The following ODAD2 variants were observed in gnomAD, a reference collection of about 807,000 sequenced individuals.
The protein encoded by ODAD2 is outer dynein arm-docking complex subunit 2.
ODAD2 carries 89 observed loss-of-function variants against 106.8 expected under a neutral mutation model. The ratio of observed to expected loss-of-function variants is 0.83; its 90% CI spans 0.70 to 0.99. ODAD2 has a LOEUF of 0.99. ODAD2 is among the 50% of genes least tolerant of loss of function. ODAD2 has a pLI of 0.00. For missense variants in ODAD2, 1,168 were observed against 1,238.5 expected (o/e 0.94, Z 0.85); for synonymous variants, 404 against 436.2 (o/e 0.93, Z 0.92).
chr10:27,902,281 A>C (rs1843265627), intron 17 of ODAD2, among the ~76,000 whole-genome samples: 1 of 152,252 alleles, frequency 6.6e-6, no homozygotes, highest in East Asian at 1.9e-4. Flanking sequence ...ACAGCGTACC[A>C]GAATCTATGG....
chr10:27,876,532 G>A lies in ODAD2; in HGVS notation c.2611-13910C>T, dbSNP rs1438531886. ...ATGAATCTGTTATTTTCTTTACTGG[G>A]ATTCCCTTTCAAACTCCCACAAACT... is the stretch of plus-strand genomic sequence containing the variant. On this transcript the variant is annotated intron_variant, in intron 17 of 19. Coordinates refer to ENST00000305242, the MANE Select transcript of ODAD2 (RefSeq NM_018076.5). 2.6e-5 allele frequency among the ~76,000 whole-genome samples: 4 copies of A among 152,276 alleles called. No individual in the cohort carries two copies. The South Asian group carries it at 8.3e-4, about 32-fold the overall frequency.
intron 2 of ODAD2, among the ~76,000 whole-genome samples, chr10:27,991,684 G>A (rs960249178): frequency 3.9e-5 from 6 of 152,114 alleles, no homozygotes; most frequent in Non-Finnish European, 8.8e-5. Flanking sequence ...TGGAACAAGA[G>A]GCCTGAGAGG....
At chr10:27,894,648 C>T (rs1189936034) in intron 17 of ODAD2, among the ~76,000 whole-genome samples, 1 of 151,940 alleles carries the variant, frequency 6.6e-6, no homozygotes, top group East Asian at 1.9e-4. Context: ...GCAATCACGC[C>T]TCACTGAAGC....
At chr10:27,890,380 T>C (rs529795005) in intron 17 of ODAD2, among the ~76,000 whole-genome samples, 2 of 152,336 alleles carry the variant, frequency 1.3e-5, no homozygotes, top group East Asian at 3.9e-4. Flanking sequence ...GATGAAGTTA[T>C]TAATTTAATA....
intron 17 of ODAD2, among the ~76,000 whole-genome samples, chr10:27,882,221 GAAAGAAAGAAAGAAAT>G (rs1449895511): frequency 8.5e-4 from 128 of 150,964 alleles, no homozygotes; most frequent in Non-Finnish European, 1.5e-3. Flanking sequence ...AAGAAAGAAA[GAAAGAAAGAAAGAAAT>G]ATGAACTCTC....
intron 16 of ODAD2, among the ~76,000 whole-genome samples, chr10:27,923,541 C>A (rs748149773): frequency 6.6e-6 from 1 of 152,014 alleles, no homozygotes; most frequent in Non-Finnish European, 1.5e-5. Flanking sequence ...TTTCATACAG[C>A]AGTTACAGCA....
At chr10:27,998,476 CT>C (rs931895345) in intron 1 of ODAD2, among the ~76,000 whole-genome samples, 16 of 152,098 alleles carry the variant, frequency 1.1e-4, no homozygotes, top group African/African-American at 3.9e-4. Context: ...GAAAGACGGG[CT>C]GGGGGAAGGA....
intron 17 of ODAD2, among the ~76,000 whole-genome samples, chr10:27,886,000 A>C (rs1842196492): frequency 6.8e-6 from 1 of 146,232 alleles, no homozygotes; most frequent in African/African-American, 2.5e-5. Context: ...ATAACAGCAG[A>C]AGAAGAAGTC....
chr10:27,937,305 A>T (rs1177967741), intron 14 of ODAD2, among the ~76,000 whole-genome samples: 1 of 151,750 alleles, frequency 6.6e-6, no homozygotes, highest in African/African-American at 2.4e-5. Context: ...ATCTAGAGAC[A>T]AATATATTTT....
At chr10:27,844,649 CCAACT>C (rs1838583258) in intron 19 of ODAD2, among the ~76,000 whole-genome samples, 1 of 152,120 alleles carries the variant, frequency 6.6e-6, no homozygotes, top group Non-Finnish European at 1.5e-5. Flanking sequence ...TAATAAGTTT[CCAACT>C]CAATAGGTTA....
At chr10:27,852,740 C>T (rs906086196) in intron 19 of ODAD2, among the ~76,000 whole-genome samples, 5 of 151,698 alleles carry the variant, frequency 3.3e-5, no homozygotes, top group Non-Finnish European at 7.4e-5. Flanking sequence ...GCGGGTGGAT[C>T]ACCTGAGGTC....
intron 19 of ODAD2, among the ~76,000 whole-genome samples, chr10:27,818,846 A>G (rs1331265548): frequency 1.3e-5 from 2 of 152,134 alleles, no homozygotes; most frequent in East Asian, 1.9e-4. Flanking sequence ...AGGAATCTAG[A>G]TGCCTTATAC....
chr10:27,816,937 A>G (rs1370552084), intron 19 of ODAD2, among the ~76,000 whole-genome samples: 2 of 151,912 alleles, frequency 1.3e-5, no homozygotes, highest in Non-Finnish European at 2.9e-5. Flanking sequence ...TTTAGTAGAG[A>G]CGGGGTTTTG....
chr10:27,994,428 A>G (rs1201984762), intron 2 of ODAD2, among the ~76,000 whole-genome samples: 2 of 152,110 alleles, frequency 1.3e-5, no homozygotes, highest in Admixed American at 1.3e-4. Context: ...TATAGAAATA[A>G]AATTCAGAAG....
At chr10:27,834,553 G>A (rs1041784147) in intron 19 of ODAD2, among the ~76,000 whole-genome samples, 1 of 152,114 alleles carries the variant, frequency 6.6e-6, no homozygotes, top group African/African-American at 2.4e-5. Flanking sequence ...GAAGGTTGGT[G>A]GACATCCAGG....
intron 19 of ODAD2, among the ~76,000 whole-genome samples, chr10:27,840,629 G>T (rs1838242439): frequency 6.6e-6 from 1 of 152,166 alleles, no homozygotes; most frequent in Non-Finnish European, 1.5e-5. Flanking sequence ...TGGGTGGCTG[G>T]ATACCTAGAT....
chr10:27,885,673 A>ATATAT, intron 17 of ODAD2, among the ~76,000 whole-genome samples: 2 of 27,346 alleles, frequency 7.3e-5, no homozygotes, highest in East Asian at 2.7e-3. Flanking sequence ...TATATATAAA[A>ATATAT]TATATATAAT....
rs574442437 is a variant in ODAD2, at chr10:27,891,928, C to G, written c.2610+15735G>C. Reference sequence around the variant, plus strand: ...ATTTGAGTAGACTTTCTGCAGCAGACAGTTTTGCTTCTTAAGAACAAAGAA... The same window carrying G: ...ATTTGAGTAGACTTTCTGCAGCAGAGAGTTTTGCTTCTTAAGAACAAAGAA... On this transcript the variant is annotated intron_variant, in intron 17 of 19. Transcript: ENST00000305242. Among the ~76,000 whole-genome samples, 76 of 138,018 alleles carry G rather than the reference C, an allele frequency of 5.5e-4. 1 individual carries two copies. The South Asian group carries it at 0.018, about 33-fold the overall frequency. 90.5% of individuals were successfully genotyped at this position (138,018 alleles called of 152,430 possible).
chr10:27,962,781 G>A (rs1466922425), intron 9 of ODAD2, among the ~76,000 whole-genome samples: 13 of 151,996 alleles, frequency 8.6e-5, no homozygotes, highest in African/African-American at 2.4e-4. Context: ...TCCCACCGCC[G>A]GATGCCAGGT....
Sources: allele counts gnomAD v4.1 joint callset (sites outside exome capture counted in the v4.1 genomes callset), GRCh38; gene constraint gnomAD v4.1.1; transcripts MANE v1.5; gene names NCBI Gene and HGNC (gene_info 2026-07-23, HGNC 2026-07-21).